Variants in MYOM1 observed in about 807,000 individuals in gnomAD.
MYOM1 encodes the protein myomesin-1.
A neutral mutation model predicts 205.3 loss-of-function variants in MYOM1; 164 were observed. The observed-to-expected ratio is 0.80, with a 90% CI of 0.70 to 0.91. MYOM1 has a LOEUF of 0.91. MYOM1 is among the 40% of genes least tolerant of loss of function. MYOM1 has a pLI of 0.00. For missense variants in MYOM1, 2,011 were observed against 2,127.3 expected, an observed-to-expected ratio of 0.95 and a Z score of 1.08; for synonymous variants, 772 against 789.4, an observed-to-expected ratio of 0.98 and a Z score of 0.37.
intron 9 of MYOM1, among the ~76,000 whole-genome samples, chr18:3,168,133 G>C (rs1331419359): frequency 6.6e-6 from 1 of 152,138 alleles, no homozygotes; most frequent in Non-Finnish European, 1.5e-5. Context: ...AAGTGCCAGA[G>C]TCTGAAATTC....
At chr18:3,094,397 A>C in intron 25 of MYOM1, 91 bp from the exon 26 acceptor site, 1 of 1,193,642 alleles carries the variant, frequency 8.4e-7, no homozygotes, top group Non-Finnish European at 1.2e-6. Flanking sequence ...AAAAAAAACC[A>C]CACAATGGAA....
At chr18:3,084,564 T>C (rs2079127797) in intron 31 of MYOM1, among the ~76,000 whole-genome samples, 1 of 152,198 alleles carries the variant, frequency 6.6e-6, no homozygotes, top group Non-Finnish European at 1.5e-5. Flanking sequence ...GGAACAAAAT[T>C]GTAAGTTTGG....
At chr18:3,225,136 T>C in the MYOM1 span, among the ~76,000 whole-genome samples, 85 of 152,186 alleles carry the variant, frequency 5.6e-4, no homozygotes, top group African/African-American at 1.9e-3. Context: ...TACAGGCACC[T>C]GCCACCACGC....
chr18:3,232,705 T>A, the MYOM1 span, among the ~76,000 whole-genome samples: 1 of 152,274 alleles, frequency 6.6e-6, no homozygotes, highest in South Asian at 2.1e-4. Flanking sequence ...CAACTTATTA[T>A]GCTTTATGTT....
Position 3,207,765 on chromosome 18 carries a change from C to A in MYOM1, c.290+7169G>T, listed in dbSNP as rs1184948504. On this transcript the variant is annotated intron_variant, in intron 2 of 37. Transcript: ENST00000356443. ...ACCTCTGAGCCCAGGGAGGTAGCAGCTTTGCCCTTCCTCCGCCTCTGGCTG... is the reference window on the plus strand; with the variant it reads ...ACCTCTGAGCCCAGGGAGGTAGCAGATTTGCCCTTCCTCCGCCTCTGGCTG... Among the ~76,000 whole-genome samples the A allele has an allele frequency of 3.3e-5, 5 of 152,188 alleles. No individual in the cohort carries two copies. In the East Asian group the frequency reaches 9.6e-4, roughly 29 times the overall value.
chr18:3,225,805 G>A, the MYOM1 span, among the ~76,000 whole-genome samples: 13 of 152,290 alleles, frequency 8.5e-5, no homozygotes, highest in South Asian at 1.5e-3. Flanking sequence ...TCTGGTTAAT[G>A]AAGAATTGTC....
At chr18:3,217,812 G>C (rs933394164) in intron 1 of MYOM1, among the ~76,000 whole-genome samples, 2 of 152,002 alleles carry the variant, frequency 1.3e-5, no homozygotes, top group African/African-American at 4.8e-5. Context: ...GTGAGACCTT[G>C]TCTCTATTAT....
At position 3,089,186 on chromosome 18, in the gene MYOM1, T is replaced by C. The variant is rs1327094061; in HGVS notation, c.4125A>G (p.Leu1375=). 2 of 1,610,182 alleles carry C rather than the reference T, an allele frequency of 1.2e-6. No homozygotes were observed. The highest frequency in any genetic ancestry group is 1.7e-5 in the Admixed American group (1 of 59,820). Residue 1375 remains leucine (L), a synonymous_variant, in exon 29 of 38, where the codon CTA becomes CTG. Coordinates refer to ENST00000356443, the MANE Select transcript of MYOM1 (RefSeq NM_003803.4). ...SWEVTGECNV[L]LKCKVANIKK... ...ATCTACCTCTTACCTTGCATTTCAA[T>C]AGTACATTACATTCACCAGTCACTT...
intron 19 of MYOM1, among the ~76,000 whole-genome samples, 154 bp downstream of exon 19, chr18:3,126,547 A>G (rs2079786380): frequency 6.6e-6 from 1 of 152,172 alleles, no homozygotes; most frequent in Admixed American, 6.5e-5. Flanking sequence ...TATTCACCAC[A>G]GTATATTTTT....
intron 19 of MYOM1, among the ~76,000 whole-genome samples, chr18:3,120,602 G>A (rs1380353681): frequency 5.9e-5 from 9 of 152,150 alleles, no homozygotes; most frequent in Admixed American, 4.6e-4. Flanking sequence ...ACCCTGCAAC[G>A]CCGTGCGCAG....
chr18:3,163,131 T>A (rs1171320035), intron 10 of MYOM1, among the ~76,000 whole-genome samples: 1 of 152,228 alleles, frequency 6.6e-6, no homozygotes, highest in African/African-American at 2.4e-5. Flanking sequence ...AACCCCTTGC[T>A]TCCTAGTTCA....
At chr18:3,206,883 A>G (rs1002904899) in intron 2 of MYOM1, among the ~76,000 whole-genome samples, 2 of 152,192 alleles carry the variant, frequency 1.3e-5, no homozygotes, top group African/African-American at 4.8e-5. Flanking sequence ...GCGTCATAAT[A>G]AATATTATGA....
chr18:3,149,172 T>C lies in MYOM1; in HGVS notation c.1873A>G (p.Ile625Val). ...GAAGGTTCCTCTTCAGTAACAATGA[T>C]CTGTCCAGTCCAGGGTGCTGAGGGG... ...SRPSAPWTGQ[I>V]IVTEEEPSEG... is the part of the protein sequence containing the mutation. The change falls in exon 13 of 38, where the codon ATC (isoleucine) becomes GTC (valine). Residue 625 changes from isoleucine to valine, a missense_variant. Ile to Val is a conservative substitution (Grantham distance 29). Transcript: ENST00000356443. The C allele has an allele frequency of 6.2e-7, 1 of 1,613,914 alleles. No individual in the cohort carries two copies. The highest frequency in any genetic ancestry group is 8.5e-7 in the Non-Finnish European group (1 of 1,179,840).
At chr18:3,085,220 C>G (rs2079137150) in intron 30 of MYOM1, 88 bp from the exon 31 acceptor site, 1 of 244,866 alleles carries the variant, frequency 4.1e-6, no homozygotes, top group Non-Finnish European at 7.3e-6. Flanking sequence ...GCTTCTTCTG[C>G]TGCTGCTGCT....
intron 2 of MYOM1, among the ~76,000 whole-genome samples, chr18:3,212,592 A>T (rs1372621088): frequency 6.6e-6 from 1 of 152,244 alleles, no homozygotes; most frequent in Admixed American, 6.5e-5. Context: ...TCTAGATTCT[A>T]CAGCACTGGG....
rs182099774 is a variant in MYOM1, at chr18:3,205,203, A to G, written c.290+9731T>C. 4.1e-3 allele frequency among the ~76,000 whole-genome samples: 627 copies of G among 152,276 alleles called. 5 individuals carry two copies. The highest frequency in any genetic ancestry group is 0.014 in the African/African-American group (589 of 41,570). ...ATAAAATACCAAAAGCATGATTTGA[A>G]AGGAACAAAATTGTTGAACTGAACT... is the stretch of plus-strand genomic sequence containing the variant. On this transcript the variant is annotated intron_variant, in intron 2 of 37. Transcript: ENST00000356443.
At chr18:3,103,745 G>GA (rs893650137) in intron 22 of MYOM1, among the ~76,000 whole-genome samples, 1 of 151,956 alleles carries the variant, frequency 6.6e-6, no homozygotes, top group African/African-American at 2.4e-5. Context: ...CTTGTTAGTG[G>GA]AAAAAAAATT....
In MYOM1 at chr18:3,127,040, C is replaced by G. The variant is rs113771875; in HGVS notation, c.2795-143G>C. 1,402 of 676,056 alleles carry G rather than the reference C, an allele frequency of 2.1e-3. 19 individuals carry two copies. The African/African-American group carries it at 0.022, about 10-fold the overall frequency. 41.9% of individuals were successfully genotyped at this position (676,056 alleles called of 1,614,324 possible). Reference sequence around the variant, plus strand: ...CGAGGCTGATGAACTTGGCATTGAACTTGGTGAATGCAATGGACACAGTAA... The same window carrying G: ...CGAGGCTGATGAACTTGGCATTGAAGTTGGTGAATGCAATGGACACAGTAA... On this transcript the variant is annotated intron_variant, in intron 18 of 37. Transcript: ENST00000356443.
chr18:3,154,616 T>TACACACACAC, intron 11 of MYOM1, among the ~76,000 whole-genome samples: 1 of 145,952 alleles, frequency 6.9e-6, no homozygotes, highest in African/African-American at 2.5e-5. Context: ...ACCTACTCAA[T>TACACACACAC]ACACACACAC....
Sources: allele counts gnomAD v4.1 joint callset (sites outside exome capture counted in the v4.1 genomes callset), GRCh38; gene constraint gnomAD v4.1.1; transcripts MANE v1.5; gene names NCBI Gene and HGNC (gene_info 2026-07-23, HGNC 2026-07-21).